PCTP: variants seen among roughly 807,000 people sequenced by gnomAD.
The protein encoded by PCTP is phosphatidylcholine transfer protein.
PCTP carries 27 observed loss-of-function variants against 31.0 expected under a neutral mutation model. The ratio of observed to expected loss-of-function variants is 0.87; its 90% confidence interval spans 0.64 to 1.20. The LOEUF (loss-of-function observed/expected upper bound fraction) is 1.20, where lower values mean the gene tolerates loss of function less well. Ranked by LOEUF, PCTP falls within the 50% of genes most tolerant of loss-of-function variation. The pLI is 0.00. For missense variants in PCTP, 287 were observed against 268.2 expected (o/e 1.07, Z -0.49); for synonymous variants, 108 against 101.2 (o/e 1.07, Z -0.40).
chr17:55,831,295 T>C (rs1211433908), intron 5 of PCTP, among the ~76,000 whole-genome samples: 1 of 152,190 alleles, frequency 6.6e-6, no homozygotes, highest in Non-Finnish European at 1.5e-5. Context: ...GCTTATTAGC[T>C]TGCTCTGTTG....
chr17:55,757,701 C>T (rs1338439790), intron 1 of PCTP, among the ~76,000 whole-genome samples: 1 of 151,988 alleles, frequency 6.6e-6, no homozygotes, highest in Non-Finnish European at 1.5e-5. Context: ...TATTTCTAAC[C>T]AGCTGCTGAA....
chr17:55,820,499 G>C (rs75505876), intron 3 of PCTP, among the ~76,000 whole-genome samples: 1 of 152,042 alleles, frequency 6.6e-6, no homozygotes, highest in South Asian at 2.1e-4. Flanking sequence ...TAGCTCCCTC[G>C]AACCTCTTTC....
At chr17:55,803,892 C>CA (rs35044645) in intron 3 of PCTP, among the ~76,000 whole-genome samples, 24,665 of 126,296 alleles carry the variant, frequency 0.2, 2,133 homozygotes, top group Middle Eastern at 0.27. Context: ...TTCTGCAGAG[C>CA]AAAAAAAAAA....
intron 3 of PCTP, among the ~76,000 whole-genome samples, chr17:55,803,282 G>T (rs993839124): frequency 5.3e-5 from 8 of 152,144 alleles, no homozygotes; most frequent in Non-Finnish European, 8.8e-5. Context: ...TGGCCATACT[G>T]CCCAAAGGAA....
intron 3 of PCTP, among the ~76,000 whole-genome samples, chr17:55,819,178 A>G (rs1913032721): frequency 6.6e-6 from 1 of 152,170 alleles, no homozygotes; most frequent in South Asian, 2.1e-4. Context: ...AAGGGTGTTT[A>G]TGAACAAACC....
chr17:55,799,140 T>C (rs1353659299), intron 3 of PCTP, among the ~76,000 whole-genome samples: 1 of 151,850 alleles, frequency 6.6e-6, no homozygotes, highest in Non-Finnish European at 1.5e-5. Flanking sequence ...AAAAAGGACA[T>C]AGAAATTGAT....
At position 55,776,410 on chromosome 17, in the gene PCTP, TAGG is replaced by T; in HGVS notation, c.*314_*316del. On this transcript the variant is annotated 3_prime_UTR_variant, in exon 6 of 6. Transcript: ENST00000268896. Reference sequence around the variant, plus strand: ...AGGGAAACCTTTGCTTGCTTACTATTAGGAGGGGAAGTCTTCAGTAGGGAACAC... The same window carrying T: ...AGGGAAACCTTTGCTTGCTTACTATTAGGGGAAGTCTTCAGTAGGGAACAC... 2 of 1,250,864 alleles carry T rather than the reference TAGG, an allele frequency of 1.6e-6. No individual in the cohort carries two copies. The highest frequency in any genetic ancestry group is 2.0e-6 in the Non-Finnish European group (2 of 999,646). The allele number at this position is 1,250,864 out of a possible 1,614,324, so 77.5% of individuals were successfully genotyped here.
At chr17:55,849,247 A>G in the PCTP span, among the ~76,000 whole-genome samples, 394 of 152,342 alleles carry the variant, frequency 2.6e-3, 3 homozygotes, top group African/African-American at 8.6e-3. Flanking sequence ...TACAGTAGCT[A>G]AAATAAATAC....
rs2144975706 is a variant in PCTP at position 55,776,305 on chromosome 17, G to A, written c.*205G>A. 1.5e-6 allele frequency: 2 copies of A among 1,366,762 alleles called. No homozygotes were observed. The highest frequency in any genetic ancestry group is 1.9e-6 in the Non-Finnish European group (2 of 1,062,866). The allele number at this position is 1,366,762 out of a possible 1,614,324, so 84.7% of individuals were successfully genotyped here. ...TCTAAGCATGTTTGCCTGACATCCA[G>A]CTCACTCGTCTGCTTCCTTTCTCGC... On this transcript the variant is annotated 3_prime_UTR_variant, in exon 6 of 6. Transcript: ENST00000268896.
intron 5 of PCTP, among the ~76,000 whole-genome samples, chr17:55,836,920 G>T (rs1415821052): frequency 1.3e-5 from 2 of 152,160 alleles, no homozygotes; most frequent in African/African-American, 4.8e-5. Flanking sequence ...GTACATCAAG[G>T]GGATCTAACC....
chr17:55,779,761 A>G (rs917771762), downstream of PCTP, among the ~76,000 whole-genome samples: 2 of 152,186 alleles, frequency 1.3e-5, no homozygotes, highest in East Asian at 1.9e-4. Flanking sequence ...TTTAAGCCCT[A>G]TTACTTTGAA....
intron 5 of PCTP, among the ~76,000 whole-genome samples, chr17:55,829,689 A>AATACAC (rs1555571491): frequency 1.4e-5 from 2 of 146,128 alleles, no homozygotes; most frequent in Non-Finnish European, 3.0e-5. Context: ...TAATAATTTA[A>AATACAC]ACACACACAC....
intron 3 of PCTP, among the ~76,000 whole-genome samples, chr17:55,812,973 C>A (rs1284965259): frequency 6.6e-6 from 1 of 152,106 alleles, no homozygotes; most frequent in Non-Finnish European, 1.5e-5. Context: ...GGAGAGTGGG[C>A]AGTCACGGTG....
At chr17:55,811,966 A>G (rs2145047070) in intron 3 of PCTP, among the ~76,000 whole-genome samples, 1 of 152,330 alleles carries the variant, frequency 6.6e-6, no homozygotes, top group Middle Eastern at 3.4e-3. Flanking sequence ...CTGAGCACTC[A>G]GTATGTATCA....
In PCTP at chr17:55,776,694, C is replaced by T; in HGVS notation, c.*594C>T. ...TGAGGTGATAATCCAGTAAGTCTTTCCTCGTTCCTACTTGTGGAGGATCAG... is the reference window on the plus strand; with the variant it reads ...TGAGGTGATAATCCAGTAAGTCTTTTCTCGTTCCTACTTGTGGAGGATCAG... On this transcript the variant is annotated 3_prime_UTR_variant, in exon 6 of 6. Coordinates refer to ENST00000268896, the MANE Select transcript of PCTP (RefSeq NM_021213.4). The T allele has an allele frequency of 3.3e-6, 4 of 1,217,192 alleles. No individual in the cohort carries two copies. Among genetic ancestry groups the T allele is most frequent in the Non-Finnish European group, 3.1e-6 (3 of 979,112 alleles). 75.4% of individuals were successfully genotyped at this position (1,217,192 alleles called of 1,614,324 possible). A position where few individuals can be genotyped will look rare whatever the true frequency, so the allele number is the denominator to read the frequency against.
intron 1 of PCTP, among the ~76,000 whole-genome samples, chr17:55,752,930 A>G (rs2144898233): frequency 6.6e-6 from 1 of 152,350 alleles, no homozygotes; most frequent in Admixed American, 6.5e-5. Flanking sequence ...TTTTTTAGAG[A>G]TGAGGCCTTG....
At chr17:55,762,176 G>T (rs977628035) in intron 1 of PCTP, among the ~76,000 whole-genome samples, 11 of 152,172 alleles carry the variant, frequency 7.2e-5, no homozygotes, top group Non-Finnish European at 1.5e-5. Context: ...TTTTCAGGAG[G>T]GACTGTATGC....
chr17:55,815,757 C>T (rs1399369558), intron 3 of PCTP, among the ~76,000 whole-genome samples: 1 of 152,162 alleles, frequency 6.6e-6, no homozygotes, highest in African/African-American at 2.4e-5. Context: ...CATCGGGAAC[C>T]TGCCAACAGG....
downstream of PCTP, among the ~76,000 whole-genome samples, chr17:55,847,486 C>T (rs937862137): frequency 8.5e-5 from 13 of 152,180 alleles, no homozygotes; most frequent in Admixed American, 6.5e-5. Context: ...GGCATTTCCT[C>T]ACTCTTTCTC....
Sources: gnomAD v4.1 joint callset for allele counts (sites outside exome capture counted in the v4.1 genomes callset) on GRCh38, gnomAD v4.1.1 for gene constraint, MANE v1.5 for transcripts, NCBI Gene and HGNC (gene_info 2026-07-23, HGNC 2026-07-21) for gene names.